NOTCH4: variants seen among roughly 807,000 people sequenced by gnomAD.
NOTCH4 encodes notch receptor 4, also known as neurogenic locus notch homolog protein 4.
A neutral mutation model predicts 189.0 loss-of-function variants in NOTCH4; 138 were observed. The observed-to-expected ratio is 0.73, with a 90% CI of 0.64 to 0.84. NOTCH4 has a LOEUF of 0.84. Among genes scored for constraint, NOTCH4 ranks in the 40% least tolerant of loss-of-function variants. NOTCH4 has a pLI of 0.00. For synonymous variants in NOTCH4, 942 were observed against 1,032.8 expected, an observed-to-expected ratio of 0.91 and a Z score of 1.69; for missense variants, 2,286 against 2,605.4, an observed-to-expected ratio of 0.88 and a Z score of 2.67.
Position 32,222,657 on chromosome 6 carries a change from A to C in NOTCH4, c.305T>G (p.Leu102Trp), listed in dbSNP as rs1789857362. The change falls in exon 3 of 30, where the codon TTG becomes TGG. Residue 102 changes from leucine (L) to tryptophan (W), a missense_variant. Physicochemically the swap from Leu to Trp is moderately conservative, Grantham distance 61. This residue lies in a region of NOTCH4 where 1,903 missense variants were observed against 2,261.9 expected (regional missense o/e 0.84). Transcript: ENST00000375023. ...SSPSPLTPSF[L>W]CTCLPGFTGE... ...AGTGAAGCCAGGGAGGCAAGTGCAC[A>C]AGAAGCTGGGTGTCAATGGAGAGGG... 5.6e-6 allele frequency: 9 copies of C among 1,607,004 alleles called. No homozygotes were observed. The highest frequency in any genetic ancestry group is 7.6e-6 in the Non-Finnish European group (9 of 1,177,936).
In NOTCH4 at chr6:32,200,915, A is replaced by G; in HGVS notation, c.4231T>C (p.Phe1411Leu). 3.1e-6 allele frequency: 5 copies of G among 1,609,106 alleles called. No homozygotes were observed. The highest frequency in any genetic ancestry group is 4.2e-6 in the Non-Finnish European group (5 of 1,178,192). The change falls in exon 23 of 30, where the codon TTC becomes CTC. Residue 1411 changes from phenylalanine to leucine, a missense_variant. Phe to Leu is a conservative substitution (Grantham distance 22, BLOSUM62 0). Around this residue, in one of 2 missense-constraint regions of NOTCH4, gnomAD observed 1,903 missense variants for 2,261.9 expected, o/e 0.84. Transcript: ENST00000375023. The surrounding 1 kb of genome is among the most constrained non-coding windows in gnomAD (Gnocchi z 5.0). ...CPWDPGLLLR[F>L]LAAMAAVGAL... is the part of the protein sequence containing the mutation. The stretch of plus-strand genomic sequence containing the variant: ...CCCACTGCAGCCATCGCAGCAAGGA[A>G]GCGGAGTAGAAGCCCAGGGTCCCAG...
chr6:32,215,202 T>TG (rs1561938858), intron 12 of NOTCH4, 24 bp downstream of exon 12: 1 of 1,569,778 alleles, frequency 6.4e-7, no homozygotes, highest in South Asian at 1.2e-5. Context: ...AGGGGGCAGA[T>TG]GGGGAGGGTC....
intron 20 of NOTCH4, chr6:32,203,460 C>G (rs1788477923): frequency 2.5e-6 from 1 of 392,902 alleles, no homozygotes; most frequent in Non-Finnish European, 4.5e-6. Flanking sequence ...TCCATAAATA[C>G]ATATACAAAC....
At chr6:32,196,453 G>T in intron 28 of NOTCH4, 32 bp from the exon 29 acceptor site, 1 of 1,609,300 alleles carries the variant, frequency 6.2e-7, no homozygotes, top group Non-Finnish European at 8.5e-7. Flanking sequence ...TGTTACCCCA[G>T]TTGGGGGCCA....
At position 32,219,997 on chromosome 6, in the gene NOTCH4, A is replaced by G. The variant is rs141390004; in HGVS notation, c.1315+132T>C. On this transcript the variant is annotated intron_variant, in intron 7 of 29. Transcript: ENST00000375023. Reference sequence around the variant, plus strand: ...GGAGAGAGGGTCATGTAGGCAAGAGATGCCAAATCTGGGCAAATTCAAGGA... The same window carrying G: ...GGAGAGAGGGTCATGTAGGCAAGAGGTGCCAAATCTGGGCAAATTCAAGGA... 2.8e-3 allele frequency: 3,045 copies of G among 1,106,450 alleles called. 56 individuals carry two copies. Among genetic ancestry groups the G allele is most frequent in the South Asian group, 0.027 (1,960 of 71,612 alleles). The allele number at this position is 1,106,450 out of a possible 1,614,324, so 68.5% of individuals were successfully genotyped here. A position where few individuals can be genotyped will look rare whatever the true frequency, so the allele number is the denominator to read the frequency against.
chr6:32,214,000 G>A, intron 13 of NOTCH4, 110 bp downstream of exon 13: 1 of 1,441,716 alleles, frequency 6.9e-7, no homozygotes, highest in Non-Finnish European at 9.5e-7. Flanking sequence ...GTCCCCTGCA[G>A]TCCAGTTCTC....
Position 32,212,823 on chromosome 6 carries a change from C to G in NOTCH4, c.2526+1G>C. The G allele has an allele frequency of 4.6e-6, 7 of 1,530,366 alleles. No individual in the cohort carries two copies. Among genetic ancestry groups the G allele is most frequent in the Non-Finnish European group, 6.2e-6 (7 of 1,137,480 alleles). 94.8% of individuals were successfully genotyped at this position (1,530,366 alleles called of 1,614,324 possible). ...GCACGCCTGACTTCAATGGCCCTCA[C>G]CTGGCAGCTGCCTCCGGTGTAGCCA... On this transcript the variant is annotated splice_donor_variant, in intron 16 of 29. Coordinates refer to ENST00000375023, the MANE Select transcript of NOTCH4 (RefSeq NM_004557.4). LOFTEE classifies it high-confidence loss of function. This position sits in a 1 kb window ranked among gnomAD's most constrained non-coding sequence, Gnocchi z 4.4.
Position 32,210,835 on chromosome 6 carries a change from G to A in NOTCH4, c.2782C>T (p.Gln928Ter), listed in dbSNP as rs1788963473. The A allele has an allele frequency of 1.2e-6, 2 of 1,613,050 alleles. No individual in the cohort carries two copies. Among genetic ancestry groups the A allele is most frequent in the African/African-American group, 1.3e-5 (1 of 75,058 alleles). The change falls in exon 18 of 30, where the codon CAG (glutamine) becomes TAG (stop). Residue 928 changes from glutamine to a stop codon, truncating the protein, a stop_gained. Coordinates refer to ENST00000375023, the MANE Select transcript of NOTCH4 (RefSeq NM_004557.4). LOFTEE classifies it high-confidence loss of function. This position sits in a 1 kb window ranked among gnomAD's most constrained non-coding sequence, Gnocchi z 4.8. ...GACTCACATGGGTTCACGTGATCCT[G>A]GCACAGGCTGCCTTGGAATCCAGGG... The part of the protein sequence containing the change: ...CPPGFQGSLC[Q>*]DHVNPCESRP...
Position 32,217,300 on chromosome 6 carries a change from C to G in NOTCH4, c.1625-34G>C. 1 of 1,441,124 alleles carries G rather than the reference C, an allele frequency of 6.9e-7. No individual in the cohort carries two copies. Among genetic ancestry groups the G allele is most frequent in the Non-Finnish European group, 9.8e-7 (1 of 1,025,574 alleles). 89.3% of individuals were successfully genotyped at this position (1,441,124 alleles called of 1,614,324 possible). On this transcript the variant is annotated intron_variant, in intron 9 of 29. Coordinates refer to ENST00000375023, the MANE Select transcript of NOTCH4 (RefSeq NM_004557.4). The surrounding 1 kb of genome is among the most constrained non-coding windows in gnomAD (Gnocchi z 4.2). ...GCGGAAGTGGGTGGGGAGAGGAGGCCAAGGTCATCGAGGGAGGCACAGCAT... is the reference window on the plus strand; with the variant it reads ...GCGGAAGTGGGTGGGGAGAGGAGGCGAAGGTCATCGAGGGAGGCACAGCAT...
rs550006982 is a variant in NOTCH4 at position 32,202,124 on chromosome 6, T to G, written c.3707A>C (p.Glu1236Ala). 4.6e-6 allele frequency: 7 copies of G among 1,507,440 alleles called. No individual in the cohort carries two copies. In the African/African-American group the frequency reaches 8.4e-5, roughly 18 times the overall value. 93.4% of individuals were successfully genotyped at this position (1,507,440 alleles called of 1,614,324 possible). ...GTCGTAGCCATCAAACAGACACTCTTCAGAGTCACACTGTGGGTGGCACTG... is the reference window on the plus strand; with the variant it reads ...GTCGTAGCCATCAAACAGACACTCTGCAGAGTCACACTGTGGGTGGCACTG... ...DGQCHPQCDSEECLFDGYDCE... is the reference protein window; with the variant it reads ...DGQCHPQCDSAECLFDGYDCE... Residue 1236 changes from glutamate (E) to alanine (A), a missense_variant, in exon 21 of 30, where the codon GAA (glutamate) becomes GCA (alanine). Physicochemically the swap from Glu to Ala is moderately radical, Grantham distance 107. Around this residue, in one of 2 missense-constraint regions of NOTCH4, gnomAD observed 1,903 missense variants for 2,261.9 expected, o/e 0.84. Coordinates refer to ENST00000375023, the MANE Select transcript of NOTCH4 (RefSeq NM_004557.4). The surrounding 1 kb of genome is among the most constrained non-coding windows in gnomAD (Gnocchi z 5.7).
At position 32,196,110 on chromosome 6, in the gene NOTCH4, A is replaced by G; in HGVS notation, c.5339T>C (p.Val1780Ala). Residue 1780 changes from valine to alanine, a missense_variant, in exon 30 of 30, where the codon GTG becomes GCG. Transcript: ENST00000375023. ...PLFLAAREGA[V>A]EVAQLLLGLG... is the part of the protein sequence containing the mutation. The stretch of plus-strand genomic sequence containing the variant: ...CCCCAGCAGTAGCTGGGCTACTTCC[A>G]CCGCTCCTTCCCGCGCCGCCAGGAA... 7 of 1,591,146 alleles carry G rather than the reference A, an allele frequency of 4.4e-6. No individual in the cohort carries two copies. The highest frequency in any genetic ancestry group is 5.1e-6 in the Non-Finnish European group (6 of 1,175,944).
chr6:32,214,320 G>A, intron 12 of NOTCH4, 65 bp from the exon 13 acceptor site: 2 of 1,558,882 alleles, frequency 1.3e-6, no homozygotes, highest in Non-Finnish European at 1.7e-6. Flanking sequence ...CCTCCCTGCT[G>A]CCTGGACCCC....
intron 11 of NOTCH4, among the ~76,000 whole-genome samples, chr6:32,215,703 C>T (rs1381381351): frequency 6.6e-6 from 1 of 152,214 alleles, no homozygotes; most frequent in Non-Finnish European, 1.5e-5. Context: ...TGTGTCTTTG[C>T]ACATGCAGTT....
At chr6:32,207,613 C>T (rs1788761294) in intron 18 of NOTCH4, among the ~76,000 whole-genome samples, 1 of 126,616 alleles carries the variant, frequency 7.9e-6, no homozygotes, top group Non-Finnish European at 1.6e-5. Context: ...AACAGGGCAA[C>T]AGAGCAAGAC....
chr6:32,196,214 C>T (rs771295346), intron 29 of NOTCH4, 64 bp from the exon 30 acceptor site: 3 of 1,604,856 alleles, frequency 1.9e-6, no homozygotes, highest in African/African-American at 1.3e-5. Flanking sequence ...GCCTTTCTGC[C>T]TTCACTTGCG....
chr6:32,202,360 A>G lies in NOTCH4; in HGVS notation c.3471T>C (p.Phe1157=). Residue 1157 remains phenylalanine, a synonymous_variant, in exon 21 of 30, where the codon TTT becomes TTC. Coordinates refer to ENST00000375023, the MANE Select transcript of NOTCH4 (RefSeq NM_004557.4). The surrounding 1 kb of genome is among the most constrained non-coding windows in gnomAD (Gnocchi z 5.7). ...GAGAGCTGTGAGGGCAGGAGCATCGAAAGCCTGGGCCCCCCAAGCCCGTGG... is the reference window on the plus strand; with the variant it reads ...GAGAGCTGTGAGGGCAGGAGCATCGGAAGCCTGGGCCCCCCAAGCCCGTGG... ...SETTGLGGPG[F]RCSCPHSSPG... 1 of 1,612,830 alleles carries G rather than the reference A, an allele frequency of 6.2e-7. No individual in the cohort carries two copies. The highest frequency in any genetic ancestry group is 8.5e-7 in the Non-Finnish European group (1 of 1,179,960).
chr6:32,196,366 C>A lies in NOTCH4; in HGVS notation c.5256G>T (p.Ser1752=), dbSNP rs575781566. The part of the protein sequence containing the change: ...AAVNNARAAR[S]LLQAGADKDA... ...CTTTATCGGCTCCGGCCTGGAGAAG[C>A]GAGCGGGCGGCTCGGGCGTTGTTCA... Residue 1752 remains serine (S), a synonymous_variant, in exon 29 of 30, where the codon TCG becomes TCT. Coordinates refer to ENST00000375023, the MANE Select transcript of NOTCH4 (RefSeq NM_004557.4). 14 of 1,613,160 alleles carry A rather than the reference C, an allele frequency of 8.7e-6. No individual in the cohort carries two copies. Among genetic ancestry groups the A allele is most frequent in the Admixed American group, 8.3e-5 (5 of 60,038 alleles).
chr6:32,197,217 T>C, intron 27 of NOTCH4, 82 bp downstream of exon 27: 1 of 1,516,170 alleles, frequency 6.6e-7, no homozygotes. Context: ...ATTTCCTCCT[T>C]GTCAAACTCT....
rs766701441 is a variant in NOTCH4, at chr6:32,215,274, C to G, written c.1973G>C (p.Cys658Ser). 1.9e-6 allele frequency: 3 copies of G among 1,606,086 alleles called. No individual in the cohort carries two copies. The highest frequency in any genetic ancestry group is 2.5e-6 in the Non-Finnish European group (3 of 1,177,524). Reference protein sequence around the residue: ...NCLCPDGSPGCAPPEDNCTCH... With the variant: ...NCLCPDGSPGSAPPEDNCTCH... The stretch of plus-strand genomic sequence containing the variant: ...GGTGCAGTTGTCCTCAGGTGGGGCA[C>G]AGCCAGGGCTTCCATCAGGACAGAG... Residue 658 changes from cysteine (C) to serine (S), a missense_variant, in exon 12 of 30, where the codon TGT becomes TCT. Physicochemically the swap from Cys to Ser is moderately radical, Grantham distance 112 (BLOSUM62 -1). Coordinates refer to ENST00000375023, the MANE Select transcript of NOTCH4 (RefSeq NM_004557.4).
Sources: gnomAD v4.1 joint callset for allele counts (sites outside exome capture counted in the v4.1 genomes callset) on GRCh38, gnomAD v4.1.1 for gene constraint, gnomAD v4.1.1 regional missense constraint, Gnocchi (gnomAD v3.1) non-coding constraint, MANE v1.5 for transcripts, NCBI Gene and HGNC (gene_info 2026-07-23, HGNC 2026-07-21) for gene names.